KLHL1: variants seen among roughly 807,000 people sequenced by gnomAD.
KLHL1 encodes kelch like family member 1.
KLHL1 carries 47 observed loss-of-function variants against 77.7 expected under a neutral mutation model. The observed-to-expected ratio is 0.60, with a 90% CI of 0.48 to 0.77. The LOEUF is 0.77. KLHL1 is among the 30% of genes least tolerant of loss of function. The pLI is 0.00. For synonymous variants in KLHL1, 360 were observed against 325.2 expected (o/e 1.11, Z -1.15); for missense variants, 925 against 910.8 (o/e 1.02, Z -0.20).
chr13:69,825,989 G>GA (rs11313559), intron 6 of KLHL1, among the ~76,000 whole-genome samples: 1 of 151,976 alleles, frequency 6.6e-6, no homozygotes. Context: ...CTTACTTACA[G>GA]AAAAAAAAAG....
At chr13:69,969,248 T>G (rs1884311081) in intron 2 of KLHL1, among the ~76,000 whole-genome samples, 2 of 152,082 alleles carry the variant, frequency 1.3e-5, no homozygotes, top group Non-Finnish European at 2.9e-5. Context: ...AATATTTTAT[T>G]AATATTAATG....
intron 1 of KLHL1, among the ~76,000 whole-genome samples, chr13:70,060,793 C>A (rs972310389): frequency 1.2e-4 from 18 of 151,778 alleles, no homozygotes; most frequent in South Asian, 6.2e-4. Context: ...TTGCAGTGAG[C>A]CGAGATGGCA....
At chr13:70,046,866 C>T (rs9529671) in intron 1 of KLHL1, among the ~76,000 whole-genome samples, 2 of 152,176 alleles carry the variant, frequency 1.3e-5, no homozygotes, top group Non-Finnish European at 2.9e-5. Context: ...TCAGGACCCT[C>T]TTCCTCTCTC....
At chr13:70,040,154 C>G (rs1029815651) in intron 1 of KLHL1, among the ~76,000 whole-genome samples, 9 of 152,086 alleles carry the variant, frequency 5.9e-5, no homozygotes, top group Non-Finnish European at 1.0e-4. Flanking sequence ...TACATTTTAG[C>G]TTAACCATCA....
At chr13:69,926,047 T>A (rs1882803543) in intron 4 of KLHL1, among the ~76,000 whole-genome samples, 1 of 152,250 alleles carries the variant, frequency 6.6e-6, no homozygotes, top group Non-Finnish European at 1.5e-5. Flanking sequence ...GCAAGTTCAT[T>A]CTCTTTTAAC....
intron 7 of KLHL1, among the ~76,000 whole-genome samples, chr13:69,757,320 A>C (rs1874794620): frequency 6.6e-6 from 1 of 152,156 alleles, no homozygotes; most frequent in East Asian, 1.9e-4. Flanking sequence ...TTCTGTGGCC[A>C]AAATAATTTA....
At position 69,916,264 on chromosome 13, in the gene KLHL1, C is replaced by G. The variant is rs558981270; in HGVS notation, c.1014+23776G>C. Among the ~76,000 whole-genome samples, 78 of 152,148 alleles carry G rather than the reference C, an allele frequency of 5.1e-4. 1 individual carries two copies. The highest frequency in any genetic ancestry group is 1.0e-3 in the Non-Finnish European group (68 of 68,040). ...GGTATATACCCAAAGGATTACAAAT[C>G]ATGCTGCTATAAAGACACATGCACA... On this transcript the variant is annotated intron_variant, in intron 4 of 10. Transcript: ENST00000377844.
rs181908037 is a variant in KLHL1, at chr13:69,713,187, G to T, written c.2016-5391C>A. 9.9e-5 allele frequency among the ~76,000 whole-genome samples: 15 copies of T among 152,008 alleles called. No homozygotes were observed. In the East Asian group the frequency reaches 2.5e-3, roughly 26 times the overall value. ...GCAATCTTATTAATTCAATCTAACA[G>T]TTTCTAGTTTGATTCATATGAAATT... On this transcript the variant is annotated intron_variant, in intron 9 of 10. Transcript: ENST00000377844.
intron 2 of KLHL1, among the ~76,000 whole-genome samples, chr13:69,968,078 A>G (rs190628802): frequency 2.4e-4 from 37 of 151,880 alleles, no homozygotes; most frequent in African/African-American, 8.9e-4. Flanking sequence ...AATGTATTTC[A>G]CTATCATCCT....
intron 6 of KLHL1, among the ~76,000 whole-genome samples, chr13:69,820,822 T>C (rs1260985507): frequency 6.6e-6 from 1 of 152,232 alleles, no homozygotes; most frequent in African/African-American, 2.4e-5. Flanking sequence ...CAGCTGCTGA[T>C]AAATTAGATT....
At chr13:70,003,747 A>G (rs1301057247) in intron 1 of KLHL1, among the ~76,000 whole-genome samples, 1 of 151,816 alleles carries the variant, frequency 6.6e-6, no homozygotes, top group Non-Finnish European at 1.5e-5. Flanking sequence ...CACATGGAAA[A>G]GAGCTGTTTT....
intron 5 of KLHL1, among the ~76,000 whole-genome samples, chr13:69,860,708 CATT>C (rs1267315815): frequency 2.6e-5 from 4 of 151,192 alleles, no homozygotes; most frequent in Non-Finnish European, 5.9e-5. Flanking sequence ...AATCATGTAT[CATT>C]GTTTAAAAAT....
chr13:69,743,842 A>T (rs1488367033), intron 7 of KLHL1, among the ~76,000 whole-genome samples: 4 of 151,642 alleles, frequency 2.6e-5, no homozygotes, highest in African/African-American at 9.7e-5. Flanking sequence ...AAAAAAACAG[A>T]AGAAAGAATA....
At chr13:70,072,965 GA>G (rs1269601730) in intron 1 of KLHL1, among the ~76,000 whole-genome samples, 1 of 152,098 alleles carries the variant, frequency 6.6e-6, no homozygotes, top group African/African-American at 2.4e-5. Context: ...AATAAGAGAA[GA>G]AAAAAACTAG....
At chr13:69,814,744 A>G (rs1878046743) in intron 6 of KLHL1, among the ~76,000 whole-genome samples, 1 of 151,908 alleles carries the variant, frequency 6.6e-6, no homozygotes, top group Admixed American at 6.6e-5. Flanking sequence ...TGGGCGTGGT[A>G]ACTCATGCCT....
At chr13:69,832,711 A>G (rs182585473) in intron 6 of KLHL1, among the ~76,000 whole-genome samples, 1 of 152,138 alleles carries the variant, frequency 6.6e-6, no homozygotes, top group African/African-American at 2.4e-5. Context: ...AAACTGTACA[A>G]TAAGACTATA....
At chr13:69,920,633 T>C (rs994763707) in intron 4 of KLHL1, among the ~76,000 whole-genome samples, 3 of 152,150 alleles carry the variant, frequency 2.0e-5, no homozygotes, top group Admixed American at 6.5e-5. Flanking sequence ...TTGGACTTTA[T>C]ATAAATTTAT....
At chr13:70,097,383 G>A (rs1011392441) in intron 1 of KLHL1, among the ~76,000 whole-genome samples, 1 of 151,986 alleles carries the variant, frequency 6.6e-6, no homozygotes, top group Non-Finnish European at 1.5e-5. Context: ...AGAAATATGT[G>A]TTTAGCAGGT....
chr13:70,056,315 A>C (rs77160737), intron 1 of KLHL1, among the ~76,000 whole-genome samples: 10,958 of 152,134 alleles, frequency 0.072, 481 homozygotes, highest in Non-Finnish European at 0.097. Context: ...TATGCACTGA[A>C]TACTGGGACA....
Sources: gnomAD v4.1 joint callset for allele counts (sites outside exome capture counted in the v4.1 genomes callset) on GRCh38, gnomAD v4.1.1 for gene constraint, MANE v1.5 for transcripts, NCBI Gene and HGNC (gene_info 2026-07-23, HGNC 2026-07-21) for gene names.